Variants in MS4A4E observed in about 807,000 individuals in gnomAD.
MS4A4E encodes the protein putative membrane-spanning 4-domains subfamily A member 4E.
A neutral mutation model predicts 13.3 loss-of-function variants in MS4A4E; 23 were observed. The observed-to-expected ratio is 1.73, with a 90% CI of 1.25 to 2.45. MS4A4E has a LOEUF of 2.45. MS4A4E is among the 30% of genes most tolerant of loss of function. The pLI is 0.00. For missense variants in MS4A4E, 144 were observed against 131.2 expected (o/e 1.10, Z -0.48); for synonymous variants, 36 against 45.6 (o/e 0.79, Z 0.85).
rs181789746 is a variant in MS4A4E, at chr11:60,213,355, C to G, written c.223-223G>C. 2.7e-6 allele frequency: 4 copies of G among 1,481,340 alleles called. No homozygotes were observed. In the South Asian group the frequency reaches 4.9e-5, roughly 18 times the overall value. 91.8% of individuals were successfully genotyped at this position (1,481,340 alleles called of 1,614,324 possible). On this transcript the variant is annotated intron_variant, in intron 4 of 8. Coordinates refer to ENST00000651255, the MANE Select transcript of MS4A4E (RefSeq NM_001393391.1). ...TTCCTGTGAGAAGATGAGATAATCTCCAAATCATTTATCAGGGTTTTCAAT... is the reference window on the plus strand; with the variant it reads ...TTCCTGTGAGAAGATGAGATAATCTGCAAATCATTTATCAGGGTTTTCAAT...
At chr11:60,239,548 G>A (rs1208757304) in intron 1 of MS4A4E, among the ~76,000 whole-genome samples, 5 of 152,136 alleles carry the variant, frequency 3.3e-5, no homozygotes, top group South Asian at 2.1e-4. Flanking sequence ...TCATGGTACC[G>A]TGTTGTCAGA....
intron 3 of MS4A4E, among the ~76,000 whole-genome samples, chr11:60,220,882 C>A (rs918780954): frequency 1.3e-5 from 2 of 152,126 alleles, no homozygotes. Flanking sequence ...AATCAAGAGA[C>A]CTGAAAGGCT....
chr11:60,224,054 A>G (rs1398608686), intron 3 of MS4A4E, among the ~76,000 whole-genome samples: 1 of 152,204 alleles, frequency 6.6e-6, no homozygotes, highest in Non-Finnish European at 1.5e-5. Context: ...AGTTTTGGAA[A>G]TAAATGGAAA....
At chr11:60,217,091 T>C (rs1218856472) in intron 3 of MS4A4E, among the ~76,000 whole-genome samples, 1 of 152,052 alleles carries the variant, frequency 6.6e-6, no homozygotes, top group East Asian at 1.9e-4. Flanking sequence ...CTGGACAAAG[T>C]GATGAAAGAA....
chr11:60,222,406 A>G (rs1224321520), intron 3 of MS4A4E, among the ~76,000 whole-genome samples: 1 of 152,210 alleles, frequency 6.6e-6, no homozygotes, highest in East Asian at 1.9e-4. Context: ...ATCATCCTGA[A>G]GCAGCTGGAT....
In MS4A4E at chr11:60,213,080, C is replaced by T. The variant is rs956782921; in HGVS notation, c.275G>A (p.Gly92Glu). 8 of 522,318 alleles carry T rather than the reference C, an allele frequency of 1.5e-5. No individual in the cohort carries two copies. The highest frequency in any genetic ancestry group is 2.0e-5 in the Non-Finnish European group (6 of 299,354). The allele number at this position is 522,318 out of a possible 1,614,324, so 32.4% of individuals were successfully genotyped here. A position where few individuals can be genotyped will look rare whatever the true frequency, so the allele number is the denominator to read the frequency against. The part of the protein sequence containing the change: ...NITSSVLAIS[G>E]ILINAISLTF... The stretch of plus-strand genomic sequence containing the variant: ...CAAGCTTATTGCATTGATTAAGATC[C>T]CTGATATAGCCAAGACTGAACTGGT... The change falls in exon 5 of 9, where the codon GGG becomes GAG. Residue 92 changes from glycine to glutamate, a missense_variant. Physicochemically the swap from Gly to Glu is moderately conservative, Grantham distance 98. Around this residue, in one of 3 missense-constraint regions of MS4A4E, gnomAD observed 119 missense variants for 88.7 expected, o/e 1.34. Coordinates refer to ENST00000651255, the MANE Select transcript of MS4A4E (RefSeq NM_001393391.1).
chr11:60,219,022 G>A (rs568965406), intron 3 of MS4A4E, among the ~76,000 whole-genome samples: 14 of 152,268 alleles, frequency 9.2e-5, no homozygotes, highest in African/African-American at 3.1e-4. Context: ...CACTGTGGGT[G>A]AGCTGAAAAT....
intron 3 of MS4A4E, among the ~76,000 whole-genome samples, chr11:60,221,048 G>A (rs1294525768): frequency 1.3e-5 from 2 of 152,176 alleles, no homozygotes; most frequent in Non-Finnish European, 2.9e-5. Context: ...GCCTTTGGAA[G>A]TCCCCCATAG....
intron 1 of MS4A4E, among the ~76,000 whole-genome samples, chr11:60,236,344 T>C (rs968760994): frequency 6.6e-6 from 1 of 152,210 alleles, no homozygotes; most frequent in Non-Finnish European, 1.5e-5. Context: ...ATAAGGTTGC[T>C]TGAATTTTTT....
At chr11:60,212,107 G>A (rs1288000391) in intron 5 of MS4A4E, among the ~76,000 whole-genome samples, 7 of 152,060 alleles carry the variant, frequency 4.6e-5, no homozygotes, top group Non-Finnish European at 8.8e-5. Flanking sequence ...AATTGAGATA[G>A]CATTGAAATA....
At position 60,237,877 on chromosome 11, in the gene MS4A4E, T is replaced by C. The variant is rs145950307; in HGVS notation, c.-17+5081A>G. Among the ~76,000 whole-genome samples, 216 of 152,234 alleles carry C rather than the reference T, an allele frequency of 1.4e-3. 2 individuals carry two copies. The highest frequency in any genetic ancestry group is 5.0e-3 in the African/African-American group (209 of 41,560). ...TCCATTCTATTCGTCATTGGATGAG[T>C]ATTTTTATCATAAAAAGTATTGGAT... On this transcript the variant is annotated intron_variant, in intron 1 of 8. Coordinates refer to ENST00000651255, the MANE Select transcript of MS4A4E (RefSeq NM_001393391.1).
In MS4A4E at chr11:60,212,969, C is replaced by G. The variant is rs1330016119; in HGVS notation, c.381+5G>C. Reference sequence around the variant, plus strand: ...TAATATCTCATGAAAAGAGAAAACACTCACCATTAAAATGGACATAGTCAT... The same window carrying G: ...TAATATCTCATGAAAAGAGAAAACAGTCACCATTAAAATGGACATAGTCAT... On this transcript the variant is annotated splice_donor_5th_base_variant and intron_variant, in intron 5 of 8. Transcript: ENST00000651255. 7.3e-6 allele frequency: 2 copies of G among 274,782 alleles called. No homozygotes were observed. Among genetic ancestry groups the G allele is most frequent in the East Asian group, 6.6e-5 (1 of 15,234 alleles). The allele number at this position is 274,782 out of a possible 1,614,324, so 17.0% of individuals were successfully genotyped here.
rs539514394 is a variant in MS4A4E at position 60,236,427 on chromosome 11, C to T, written c.-16-6356G>A. Among the ~76,000 whole-genome samples the T allele has an allele frequency of 1.2e-3, 188 of 151,844 alleles. 3 individuals carry two copies. Among genetic ancestry groups the T allele is most frequent in the South Asian group, 6.3e-4 (3 of 4,794 alleles). On this transcript the variant is annotated intron_variant, in intron 1 of 8. Transcript: ENST00000651255. ...CTTACCAATATTAAGCCTTCCAGTT[C>T]CTGAATATGAGTTTTTTTTCATTTG...
intron 3 of MS4A4E, 46 bp downstream of exon 3, chr11:60,228,548 C>T: frequency 1.6e-6 from 1 of 633,756 alleles, no homozygotes; most frequent in South Asian, 1.9e-5. Context: ...CAGTTTCTTA[C>T]AAAACTAAAC....
chr11:60,210,629 T>G (rs2084108371), intron 5 of MS4A4E, among the ~76,000 whole-genome samples: 1 of 152,226 alleles, frequency 6.6e-6, no homozygotes. Flanking sequence ...TTCCAGCATT[T>G]CTATCTTTTT....
chr11:60,218,389 C>T (rs1441423562), intron 3 of MS4A4E, among the ~76,000 whole-genome samples: 5 of 152,142 alleles, frequency 3.3e-5, no homozygotes, highest in Non-Finnish European at 5.9e-5. Context: ...GTCTGTGACC[C>T]ACACCTATTC....
chr11:60,234,096 T>C (rs1403824928), intron 1 of MS4A4E, among the ~76,000 whole-genome samples: 1 of 152,194 alleles, frequency 6.6e-6, no homozygotes, highest in African/African-American at 2.4e-5. Context: ...ACTGAGACAG[T>C]CTATTCTATA....
rs7932740 is a variant in MS4A4E at position 60,208,638 on chromosome 11, G to A, written c.438C>T (p.Ala146=). 525,950 of 1,438,396 alleles carry A rather than the reference G, an allele frequency of 0.37. 104,321 individuals carry two copies. The highest frequency in any genetic ancestry group is 0.48 in the South Asian group (39,911 of 82,638). The allele number at this position is 1,438,396 out of a possible 1,614,324, so 89.1% of individuals were successfully genotyped here. Residue 146 remains alanine (A), a synonymous_variant, in exon 6 of 9, where the codon GCC becomes GCT. Transcript: ENST00000651255. ...GCACTTTACATCCAAAGGCAGAGAG[G>A]GCCACAGCAATGCAGAATTCCAGCA... The part of the protein sequence containing the change: ...LSVLEFCIAV[A]LSAFGCKVLC...
chr11:60,229,894 G>A lies in MS4A4E; in HGVS notation c.144+18C>T. 1 of 1,583,226 alleles carries A rather than the reference G, an allele frequency of 6.3e-7. No homozygotes were observed. Among genetic ancestry groups the A allele is most frequent in the Non-Finnish European group, 8.6e-7 (1 of 1,164,232 alleles). On this transcript the variant is annotated intron_variant, in intron 2 of 8. Transcript: ENST00000651255. Reference sequence around the variant, plus strand: ...TTACAACACTATTGGTCTTCTCCCAGATTTGCAATTGACTTACCCCAAGGA... The same window carrying A: ...TTACAACACTATTGGTCTTCTCCCAAATTTGCAATTGACTTACCCCAAGGA...
Sources: allele counts gnomAD v4.1 joint callset (sites outside exome capture counted in the v4.1 genomes callset), GRCh38; gene constraint gnomAD v4.1.1; regional missense constraint gnomAD v4.1.1; transcripts MANE v1.5; gene names NCBI Gene and HGNC (gene_info 2026-07-23, HGNC 2026-07-21).